The following MYO16 variants were observed in gnomAD, a reference collection of about 807,000 sequenced individuals.
MYO16 encodes the protein unconventional myosin-XVI.
In MYO16, 94 loss-of-function variants were observed where a neutral mutation model predicts 205.3. The observed-to-expected ratio is 0.46, with a 90% CI of 0.39 to 0.54. The LOEUF is 0.54. MYO16 is among the 20% of genes least tolerant of loss of function. The pLI is 0.00. For missense variants in MYO16, 2,315 were observed against 2,387.5 expected (o/e 0.97, Z 0.63); for synonymous variants, 988 against 954.0 (o/e 1.04, Z -0.66).
chr13:108,773,395 A>G (rs965054067), intron 4 of MYO16, among the ~76,000 whole-genome samples: 1 of 152,174 alleles, frequency 6.6e-6, no homozygotes, highest in African/African-American at 2.4e-5. Context: ...GAAGTCTGAA[A>G]TCAAGATGTC....
At chr13:108,716,939 A>G (rs1883966309) in intron 3 of MYO16, among the ~76,000 whole-genome samples, 1 of 152,202 alleles carries the variant, frequency 6.6e-6, no homozygotes, top group African/African-American at 2.4e-5. Context: ...TATTGAATGC[A>G]TGTGTTAAAC....
intron 2 of MYO16, among the ~76,000 whole-genome samples, chr13:108,705,970 G>A (rs1883492806): frequency 6.6e-6 from 1 of 152,076 alleles, no homozygotes; most frequent in Admixed American, 6.6e-5. Flanking sequence ...AAGGAATACA[G>A]CCTAACACAC....
intron 27 of MYO16, among the ~76,000 whole-genome samples, chr13:109,075,402 T>C (rs1397370729): frequency 6.6e-6 from 1 of 152,190 alleles, no homozygotes; most frequent in Non-Finnish European, 1.5e-5. Context: ...TTTTTCTTTT[T>C]CTTTTGAGAT....
At chr13:108,693,742 G>C (rs894590161) in intron 2 of MYO16, among the ~76,000 whole-genome samples, 2 of 152,178 alleles carry the variant, frequency 1.3e-5, no homozygotes, top group African/African-American at 4.8e-5. Context: ...AGTGGTCCAT[G>C]TTCAGGTTTG....
chr13:108,978,959 A>G (rs1884364387), intron 20 of MYO16, among the ~76,000 whole-genome samples: 1 of 151,944 alleles, frequency 6.6e-6, no homozygotes, highest in Non-Finnish European at 1.5e-5. Context: ...TTTATTCACC[A>G]GCTAAATCAT....
intron 20 of MYO16, among the ~76,000 whole-genome samples, chr13:108,972,247 C>CTATA (rs1249747098): frequency 8.2e-4 from 5 of 6,062 alleles, no homozygotes; most frequent in Admixed American, 2.6e-3. Flanking sequence ...CTCTCTCTCT[C>CTATA]TCTATATATA....
At chr13:108,646,432 T>C (rs1215687890) in intron 1 of MYO16, among the ~76,000 whole-genome samples, 2 of 152,212 alleles carry the variant, frequency 1.3e-5, no homozygotes, top group Admixed American at 6.5e-5. Context: ...ATCAAAGTTA[T>C]GGAAAAAAAT....
At chr13:109,131,240 T>A (rs960612969) in intron 31 of MYO16, among the ~76,000 whole-genome samples, 6 of 152,208 alleles carry the variant, frequency 3.9e-5, no homozygotes, top group Non-Finnish European at 8.8e-5. Flanking sequence ...GCGAATCAAT[T>A]CAGATGGTTA....
At chr13:108,530,239 T>C in the MYO16 span, among the ~76,000 whole-genome samples, 1 of 152,138 alleles carries the variant, frequency 6.6e-6, no homozygotes, top group Non-Finnish European at 1.5e-5. Flanking sequence ...CCAACAGCCA[T>C]GTATCAGAGT....
At chr13:108,658,057 C>T (rs979311213) in intron 1 of MYO16, among the ~76,000 whole-genome samples, 2 of 152,078 alleles carry the variant, frequency 1.3e-5, no homozygotes, top group Admixed American at 6.5e-5. Context: ...GGGATGGCCT[C>T]ATTTTGGTAT....
At chr13:108,894,829 AGGAAGG>A (rs1292908983) in intron 14 of MYO16, among the ~76,000 whole-genome samples, 13 of 152,230 alleles carry the variant, frequency 8.5e-5, no homozygotes, top group African/African-American at 2.9e-4. Flanking sequence ...AAGAGCAGTT[AGGAAGG>A]GCTGTTTTGT....
At chr13:108,970,547 T>C (rs1594435585) in intron 20 of MYO16, among the ~76,000 whole-genome samples, 1 of 152,290 alleles carries the variant, frequency 6.6e-6, no homozygotes, top group African/African-American at 2.4e-5. Flanking sequence ...GCAGCTGTCA[T>C]GCTCCTGGGC....
At chr13:108,803,270 C>T (rs1026349824) in intron 6 of MYO16, among the ~76,000 whole-genome samples, 3 of 152,132 alleles carry the variant, frequency 2.0e-5, no homozygotes, top group African/African-American at 7.2e-5. Flanking sequence ...AGCTGAGAAC[C>T]AACATTGAAA....
chr13:108,862,866 T>C (rs1363472559), intron 11 of MYO16, among the ~76,000 whole-genome samples: 1 of 152,202 alleles, frequency 6.6e-6, no homozygotes, highest in Non-Finnish European at 1.5e-5. Flanking sequence ...CTTTAATTTC[T>C]CTGGAGCAAT....
At chr13:108,621,552 A>T (rs1039524666) in intron 1 of MYO16, among the ~76,000 whole-genome samples, 1 of 152,126 alleles carries the variant, frequency 6.6e-6, no homozygotes, top group East Asian at 1.9e-4. Context: ...CCTTTTGTCC[A>T]TTGTATAAGC....
At chr13:108,750,967 G>A (rs1885217938) in intron 4 of MYO16, among the ~76,000 whole-genome samples, 1 of 152,124 alleles carries the variant, frequency 6.6e-6, no homozygotes, top group African/African-American at 2.4e-5. Flanking sequence ...GATTAGAGTT[G>A]ACAATATCAG....
At chr13:109,024,634 C>T (rs1886302710) in intron 23 of MYO16, among the ~76,000 whole-genome samples, 1 of 152,074 alleles carries the variant, frequency 6.6e-6, no homozygotes. Context: ...TTAGTTGGTG[C>T]ACAGCCTAAA....
chr13:108,654,510 T>C (rs559033848), intron 1 of MYO16, among the ~76,000 whole-genome samples: 16 of 152,374 alleles, frequency 1.1e-4, no homozygotes, highest in Non-Finnish European at 2.1e-4. Context: ...GTCTTGGATA[T>C]GTCTTTATCA....
chr13:108,592,295 T>G (rs1334232983), upstream of MYO16, among the ~76,000 whole-genome samples: 7 of 74,342 alleles, frequency 9.4e-5, no homozygotes, highest in Admixed American at 1.6e-4. Context: ...GTGTGTGGAG[T>G]GTGTCCGGGA....
Sources: gnomAD v4.1 joint callset for allele counts (sites outside exome capture counted in the v4.1 genomes callset) on GRCh38, gnomAD v4.1.1 for gene constraint, MANE v1.5 for transcripts, NCBI Gene and HGNC (gene_info 2026-07-23, HGNC 2026-07-21) for gene names.